The following ATP9B variants were observed in gnomAD, a reference collection of about 807,000 sequenced individuals.
ATP9B encodes probable phospholipid-transporting ATPase IIB.
ATP9B carries 110 observed loss-of-function variants against 146.1 expected under a neutral mutation model. That is an observed-to-expected ratio of 0.75 (90% CI 0.65 to 0.88). The LOEUF (loss-of-function observed/expected upper bound fraction) is 0.88, where lower values mean the gene tolerates loss of function less well. Among genes scored for constraint, ATP9B ranks in the 40% least tolerant of loss-of-function variants. The pLI, the probability that ATP9B is intolerant of heterozygous loss-of-function variation, is 0.00. For synonymous variants in ATP9B, 604 were observed against 569.7 expected (o/e 1.06, Z -0.86); for missense variants, 1,499 against 1,496.4 (o/e 1.00, Z -0.03).
chr18:79,356,284 G>T (rs886225286), intron 25 of ATP9B, among the ~76,000 whole-genome samples: 1 of 152,140 alleles, frequency 6.6e-6, no homozygotes, highest in Non-Finnish European at 1.5e-5. Context: ...CCATCTGGAA[G>T]ATGTCCTAGC....
At chr18:79,213,888 C>A in intron 10 of ATP9B, 74 bp from the exon 11 acceptor site, 3 of 1,079,562 alleles carry the variant, frequency 2.8e-6, no homozygotes, top group Admixed American at 2.7e-5. Context: ...TCCATCAAAA[C>A]AATTAATTAG....
chr18:79,138,973 TGGG>T (rs957792341), intron 5 of ATP9B, among the ~76,000 whole-genome samples: 1 of 151,820 alleles, frequency 6.6e-6, no homozygotes, highest in African/African-American at 2.4e-5. Context: ...GAGGCTGAGG[TGGG>T]GGGATCACCC....
At chr18:79,200,762 C>CTGTCGGGGTCAGAGCAGA (rs376428579) in intron 9 of ATP9B, among the ~76,000 whole-genome samples, 6 of 26,796 alleles carry the variant, frequency 2.2e-4, no homozygotes, top group East Asian at 1.2e-3. Context: ...GAGGTGGGAA[C>CTGTCGGGGTCAGAGCAGA]GTTGGGGTCA....
At chr18:79,376,214 C>CACACACACAAAAAAA in intron 29 of ATP9B, 163 of 883,954 alleles carry the variant, frequency 1.8e-4, no homozygotes, top group African/African-American at 3.4e-4. Context: ...CACACACACA[C>CACACACACAAAAAAA]AAAACAAAAC....
chr18:79,226,702 A>G lies in ATP9B; in HGVS notation c.1107+12664A>G, dbSNP rs566128808. On this transcript the variant is annotated intron_variant, in intron 11 of 29. Coordinates refer to ENST00000426216, the MANE Select transcript of ATP9B (RefSeq NM_198531.5). Reference sequence around the variant, plus strand: ...GGGACAGCCTACACAAGAAGCCAGGAGGATCTGAAGAGGACTCAAATGAAA... The same window carrying G: ...GGGACAGCCTACACAAGAAGCCAGGGGGATCTGAAGAGGACTCAAATGAAA... 2.2e-4 allele frequency among the ~76,000 whole-genome samples: 34 copies of G among 152,336 alleles called. 1 individual carries two copies. In the South Asian group the frequency reaches 7.0e-3, roughly 32 times the overall value.
intron 12 of ATP9B, among the ~76,000 whole-genome samples, chr18:79,262,122 C>T (rs1160394700): frequency 6.7e-6 from 1 of 148,644 alleles, no homozygotes; most frequent in Non-Finnish European, 1.5e-5. Context: ...TCCCCTCCCT[C>T]CCTCCCTCCC....
At chr18:79,365,211 C>T (rs996379877) in intron 26 of ATP9B, among the ~76,000 whole-genome samples, 11 of 152,148 alleles carry the variant, frequency 7.2e-5, no homozygotes, top group Non-Finnish European at 1.3e-4. Context: ...TATTAACAGA[C>T]ACCACCCCAG....
At chr18:79,260,565 C>CGA (rs2096129753) in intron 12 of ATP9B, among the ~76,000 whole-genome samples, 1 of 152,178 alleles carries the variant, frequency 6.6e-6, no homozygotes, top group Non-Finnish European at 1.5e-5. Context: ...TGTGGACTCT[C>CGA]AGGATATGCA....
chr18:79,069,431 T>C lies in ATP9B; in HGVS notation c.21T>C (p.Leu7=). 1 of 1,521,008 alleles carries C rather than the reference T, an allele frequency of 6.6e-7. No homozygotes were observed. The highest frequency in any genetic ancestry group is 8.8e-7 in the Non-Finnish European group (1 of 1,138,250). 94.2% of individuals were successfully genotyped at this position (1,521,008 alleles called of 1,614,324 possible). ...GGAACATGGCGGACCAGATCCCGCT[T>C]TACCCGGTGCGTAGCGCAGCGGCGG... MADQIP[L]YPVRSAAAAA... is the part of the protein sequence containing the mutation. Residue 7 remains leucine, a synonymous_variant, in exon 1 of 30, where the codon CTT becomes CTC. Coordinates refer to ENST00000426216, the MANE Select transcript of ATP9B (RefSeq NM_198531.5).
intron 12 of ATP9B, among the ~76,000 whole-genome samples, chr18:79,273,468 A>T (rs1476924665): frequency 6.6e-6 from 1 of 152,216 alleles, no homozygotes; most frequent in East Asian, 1.9e-4. Flanking sequence ...GTAGGAAAAG[A>T]TGTTAATTTC....
intron 10 of ATP9B, among the ~76,000 whole-genome samples, chr18:79,208,154 A>G (rs1275683608): frequency 6.6e-6 from 1 of 152,330 alleles, no homozygotes; most frequent in East Asian, 1.9e-4. Flanking sequence ...CTGAGGCAGG[A>G]GAATGGCGGG....
chr18:79,110,613 A>C, intron 3 of ATP9B, 108 bp downstream of exon 3: 1 of 1,072,036 alleles, frequency 9.3e-7, no homozygotes, highest in East Asian at 2.6e-5. Flanking sequence ...GAGTTGTGTC[A>C]CATCCAAATC....
chr18:79,149,237 A>G (rs2094643383), intron 6 of ATP9B, among the ~76,000 whole-genome samples: 2 of 152,336 alleles, frequency 1.3e-5, no homozygotes, highest in African/African-American at 2.4e-5. Context: ...CAAGGAAAAT[A>G]AAGTGAGAGG....
chr18:79,090,360 C>T (rs1266118594), intron 1 of ATP9B, among the ~76,000 whole-genome samples: 1 of 152,178 alleles, frequency 6.6e-6, no homozygotes, highest in Admixed American at 6.6e-5. Flanking sequence ...CTGTTCTCCA[C>T]AGTGATTGTA....
chr18:79,374,336 G>T, intron 28 of ATP9B: 1 of 405,758 alleles, frequency 2.5e-6, no homozygotes, highest in East Asian at 5.3e-5. Context: ...CTGGCTGGCC[G>T]GTCCCCTGAC....
At chr18:79,309,684 G>A (rs1029520944) in intron 15 of ATP9B, among the ~76,000 whole-genome samples, 2 of 151,762 alleles carry the variant, frequency 1.3e-5, no homozygotes, top group Non-Finnish European at 3.0e-5. Flanking sequence ...GTCAGGGGCG[G>A]AGGAGTGATC....
chr18:79,311,369 G>A (rs1001149844), intron 15 of ATP9B, among the ~76,000 whole-genome samples: 7 of 152,080 alleles, frequency 4.6e-5, no homozygotes, highest in Admixed American at 6.6e-5. Flanking sequence ...TACACTTTTC[G>A]TGGTGGTGAC....
At chr18:79,201,360 T>C (rs2095485956) in intron 9 of ATP9B, among the ~76,000 whole-genome samples, 1 of 152,218 alleles carries the variant, frequency 6.6e-6, no homozygotes, top group South Asian at 2.1e-4. Flanking sequence ...CTGGGCATTG[T>C]TAAGGAGTGG....
Position 79,239,048 on chromosome 18 carries a change from G to C in ATP9B, c.1108-14333G>C, listed in dbSNP as rs1399007760. 6.6e-6 allele frequency among the ~76,000 whole-genome samples: 1 copy of C among 152,166 alleles called. No individual in the cohort carries two copies. The highest frequency in any genetic ancestry group is 1.5e-5 in the Non-Finnish European group (1 of 68,026). ...TCTGCTTCATGCCTCAGGTAGGCAG[G>C]CTCAAGGAGAGCCTCCAGCCACTGA... On this transcript the variant is annotated intron_variant, in intron 11 of 29. Coordinates refer to ENST00000426216, the MANE Select transcript of ATP9B (RefSeq NM_198531.5). The surrounding 1 kb of genome is among the most constrained non-coding windows in gnomAD (Gnocchi z 5.1).
Sources: gnomAD v4.1 joint callset for allele counts (sites outside exome capture counted in the v4.1 genomes callset) on GRCh38, gnomAD v4.1.1 for gene constraint, Gnocchi (gnomAD v3.1) non-coding constraint, MANE v1.5 for transcripts, NCBI Gene and HGNC (gene_info 2026-07-23, HGNC 2026-07-21) for gene names.